ADGRL3: variants seen among roughly 807,000 people sequenced by gnomAD.
ADGRL3 encodes calcium-independent alpha-latrotoxin receptor 3.
A neutral mutation model predicts 153.5 loss-of-function variants in ADGRL3; 62 were observed. The ratio of observed to expected loss-of-function variants is 0.40; its 90% CI spans 0.33 to 0.50. The LOEUF (loss-of-function observed/expected upper bound fraction) is 0.50, where lower values mean the gene tolerates loss of function less well. ADGRL3 is among the 20% of genes least tolerant of loss of function. The pLI, the probability that ADGRL3 is intolerant of heterozygous loss-of-function variation, is 0.47. For synonymous variants in ADGRL3, 710 were observed against 672.5 expected, an observed-to-expected ratio of 1.06 and a Z score of -0.86; for missense variants, 1,641 against 1,859.4, an observed-to-expected ratio of 0.88 and a Z score of 2.16.
At chr4:61,851,883 AT>A (rs935880330) in intron 9 of ADGRL3, among the ~76,000 whole-genome samples, 39 of 152,202 alleles carry the variant, frequency 2.6e-4, no homozygotes, top group African/African-American at 9.4e-4. Flanking sequence ...ATATACGATA[AT>A]AGACTTGTTT....
At chr4:61,291,208 A>ACACACACG (rs2094173604) in intron 1 of ADGRL3, among the ~76,000 whole-genome samples, 1 of 132,952 alleles carries the variant, frequency 7.5e-6, no homozygotes, top group South Asian at 2.6e-4. Context: ...ACACACACAC[A>ACACACACG]CACACACACG....
At chr4:61,360,228 T>C (rs2096262742) in intron 1 of ADGRL3, among the ~76,000 whole-genome samples, 1 of 152,186 alleles carries the variant, frequency 6.6e-6, no homozygotes, top group Admixed American at 6.5e-5. Context: ...TGCTGTGATC[T>C]TAAGGATTTT....
At chr4:61,286,668 T>C (rs2093953174) in intron 1 of ADGRL3, among the ~76,000 whole-genome samples, 1 of 151,730 alleles carries the variant, frequency 6.6e-6, no homozygotes, top group African/African-American at 2.4e-5. Context: ...TTTTTCCTTT[T>C]ATATATCGAG....
chr4:61,379,227 A>G (rs1003464934), intron 1 of ADGRL3, among the ~76,000 whole-genome samples: 3 of 151,976 alleles, frequency 2.0e-5, no homozygotes, highest in African/African-American at 7.2e-5. Context: ...CATCATAAGT[A>G]AAAAGATAAC....
intron 25 of ADGRL3, among the ~76,000 whole-genome samples, chr4:62,067,607 TATA>T (rs1367196789): frequency 4.6e-5 from 7 of 151,976 alleles, no homozygotes; most frequent in Non-Finnish European, 8.8e-5. Flanking sequence ...TTCATATATG[TATA>T]ATAGAGAAAT....
chr4:61,292,617 C>T (rs893026604), intron 1 of ADGRL3, among the ~76,000 whole-genome samples: 4 of 152,092 alleles, frequency 2.6e-5, no homozygotes, highest in East Asian at 3.9e-4. Flanking sequence ...GATGCATGGT[C>T]GTACTAGAGT....
At position 62,075,603 on chromosome 4, in the gene ADGRL3, A is replaced by T. The variant is rs1251941874; in HGVS notation, c.*4695A>T. On this transcript the variant is annotated 3_prime_UTR_variant, in exon 27 of 27. Transcript: ENST00000683033. Reference sequence around the variant, plus strand: ...TCATTTTTAGTAATTCATAATTTTAACTTACCACATAAACAATTACTATGC... The same window carrying T: ...TCATTTTTAGTAATTCATAATTTTATCTTACCACATAAACAATTACTATGC... The T allele has an allele frequency of 6.6e-6, 1 of 152,286 alleles. No homozygotes were observed. The highest frequency in any genetic ancestry group is 1.9e-4 in the East Asian group (1 of 5,184). 9.4% of individuals were successfully genotyped at this position (152,286 alleles called of 1,614,324 possible). A position where few individuals can be genotyped will look rare whatever the true frequency, so the allele number is the denominator to read the frequency against.
chr4:61,990,736 A>G (rs2099100748), intron 19 of ADGRL3, among the ~76,000 whole-genome samples: 1 of 151,750 alleles, frequency 6.6e-6, no homozygotes, highest in South Asian at 2.1e-4. Flanking sequence ...TTATCAACCA[A>G]TCGACACCTT....
intron 4 of ADGRL3, among the ~76,000 whole-genome samples, chr4:61,566,519 G>A (rs577999881): frequency 6.6e-6 from 1 of 151,850 alleles, no homozygotes; most frequent in Non-Finnish European, 1.5e-5. Context: ...TTTTCCTCTG[G>A]CAGGTTTGTA....
At chr4:62,006,257 A>T (rs2099158779) in intron 21 of ADGRL3, among the ~76,000 whole-genome samples, 1 of 151,632 alleles carries the variant, frequency 6.6e-6, no homozygotes, top group Non-Finnish European at 1.5e-5. Flanking sequence ...ACTGGTCTCG[A>T]ATTCCTGACC....
At chr4:61,929,455 G>A (rs1390119274) in intron 13 of ADGRL3, among the ~76,000 whole-genome samples, 1 of 152,164 alleles carries the variant, frequency 6.6e-6, no homozygotes, top group Admixed American at 6.5e-5. Flanking sequence ...GAAAGTATTG[G>A]CTAGTTAATA....
chr4:61,576,135 A>G (rs1208493672), intron 4 of ADGRL3, among the ~76,000 whole-genome samples: 1 of 151,850 alleles, frequency 6.6e-6, no homozygotes, highest in East Asian at 1.9e-4. Context: ...CTTTCAGAAT[A>G]TCATTGTTGT....
rs192962078 is a variant in ADGRL3 at position 61,361,960 on chromosome 4, T to A, written c.-239-21164T>A. 1.2e-4 allele frequency among the ~76,000 whole-genome samples: 18 copies of A among 149,742 alleles called. 1 individual carries two copies. The Admixed American group carries it at 1.2e-3, about 10-fold the overall frequency. On this transcript the variant is annotated intron_variant, in intron 1 of 26. Coordinates refer to ENST00000683033, the MANE Select transcript of ADGRL3 (RefSeq NM_001387552.1). ...AACAGTTCTCTGAGGAAGGCTTTTT[T>A]TAATGATATAATCATATATATAAAA...
intron 8 of ADGRL3, among the ~76,000 whole-genome samples, chr4:61,733,807 G>A (rs762689719): frequency 7.2e-5 from 11 of 152,122 alleles, no homozygotes; most frequent in Non-Finnish European, 1.5e-4. Flanking sequence ...AAGGGTGTTT[G>A]TTATTTTCAA....
At chr4:61,600,717 C>T (rs1472992486) in intron 5 of ADGRL3, among the ~76,000 whole-genome samples, 2 of 152,000 alleles carry the variant, frequency 1.3e-5, no homozygotes, top group Admixed American at 6.6e-5. Flanking sequence ...GGTGTCATTC[C>T]CGATTTTGAT....
chr4:61,497,204 G>T lies in ADGRL3; in HGVS notation c.-90G>T. The T allele has an allele frequency of 1.3e-6, 1 of 743,532 alleles. No individual in the cohort carries two copies. The highest frequency in any genetic ancestry group is 2.2e-6 in the Non-Finnish European group (1 of 447,352). The allele number at this position is 743,532 out of a possible 1,614,324, so 46.1% of individuals were successfully genotyped here. ...ATTTGAAGAAAAATCATCAGTCTTG[G>T]AATACAGAAGAGAAACTAGAAATAT... is the stretch of plus-strand genomic sequence containing the variant. On this transcript the variant is annotated 5_prime_UTR_variant, in exon 3 of 27. Coordinates refer to ENST00000683033, the MANE Select transcript of ADGRL3 (RefSeq NM_001387552.1).
chr4:61,602,066 G>C (rs1358784519), intron 5 of ADGRL3, among the ~76,000 whole-genome samples: 1 of 144,936 alleles, frequency 6.9e-6, no homozygotes, highest in Non-Finnish European at 1.6e-5. Flanking sequence ...AGTAAAATAA[G>C]TAAACGGTTA....
At chr4:61,387,269 G>T (rs1414678829) in intron 2 of ADGRL3, among the ~76,000 whole-genome samples, 1 of 152,180 alleles carries the variant, frequency 6.6e-6, no homozygotes, top group Non-Finnish European at 1.5e-5. Flanking sequence ...CACAAGGCAA[G>T]TGGAGGCAGG....
intron 9 of ADGRL3, among the ~76,000 whole-genome samples, chr4:61,839,050 G>C (rs1354132543): frequency 6.6e-6 from 1 of 152,104 alleles, no homozygotes; most frequent in African/African-American, 2.4e-5. Flanking sequence ...GTGGAGCAAG[G>C]AAATGGGGAA....
Sources: gnomAD v4.1 joint callset for allele counts (sites outside exome capture counted in the v4.1 genomes callset) on GRCh38, gnomAD v4.1.1 for gene constraint, MANE v1.5 for transcripts, NCBI Gene and HGNC (gene_info 2026-07-23, HGNC 2026-07-21) for gene names.